Variants in PPARGC1A observed in about 807,000 individuals in gnomAD.
The protein encoded by PPARGC1A is PPARG coactivator 1 alpha.
A neutral mutation model predicts 88.7 loss-of-function variants in PPARGC1A; 25 were observed. That is an observed-to-expected ratio of 0.28 (90% CI 0.21 to 0.39). The LOEUF (loss-of-function observed/expected upper bound fraction) is 0.39, where lower values mean the gene tolerates loss of function less well. Ranked by LOEUF, PPARGC1A falls within the 10% of genes least tolerant of loss-of-function variation. The pLI, the probability that PPARGC1A is intolerant of heterozygous loss-of-function variation, is 1.00. For synonymous variants in PPARGC1A, 363 were observed against 355.6 expected (o/e 1.02, Z -0.24); for missense variants, 880 against 968.7 (o/e 0.91, Z 1.22).
At chr4:24,089,500 C>CTTTTTTTTT in the PPARGC1A span, among the ~76,000 whole-genome samples, 3 of 94,254 alleles carry the variant, frequency 3.2e-5, 1 homozygote, top group Non-Finnish European at 4.4e-5. Flanking sequence ...CTTTTCTTTT[C>CTTTTTTTTT]TTTTCTTTTC....
the PPARGC1A span, among the ~76,000 whole-genome samples, chr4:24,179,717 A>G: frequency 4.6e-5 from 7 of 152,198 alleles, no homozygotes; most frequent in African/African-American, 9.6e-5. Context: ...AGTGGTTGCT[A>G]TTTTAACCAC....
chr4:24,279,521 T>C, the PPARGC1A span, among the ~76,000 whole-genome samples: 1 of 152,110 alleles, frequency 6.6e-6, no homozygotes, highest in Non-Finnish European at 1.5e-5. Flanking sequence ...AGGCAAGCAT[T>C]TGTTATCGTT....
chr4:24,339,221 T>TACACAC, the PPARGC1A span, among the ~76,000 whole-genome samples: 68 of 55,258 alleles, frequency 1.2e-3, no homozygotes, highest in Non-Finnish European at 2.1e-3. Flanking sequence ...TGTATATATA[T>TACACAC]ATATATATAT....
At chr4:24,413,072 A>G in the PPARGC1A span, among the ~76,000 whole-genome samples, 4 of 152,136 alleles carry the variant, frequency 2.6e-5, no homozygotes, top group Non-Finnish European at 4.4e-5. Context: ...CCTCCTCCCC[A>G]TAGAATTCTC....
At chr4:24,031,924 G>T in the PPARGC1A span, among the ~76,000 whole-genome samples, 1 of 152,292 alleles carries the variant, frequency 6.6e-6, no homozygotes, top group South Asian at 2.1e-4. Context: ...GGAAGCTGAA[G>T]CCCAGAGAGG....
the PPARGC1A span, among the ~76,000 whole-genome samples, chr4:24,259,938 T>C: frequency 6.6e-6 from 1 of 152,210 alleles, no homozygotes; most frequent in Admixed American, 6.5e-5. Flanking sequence ...TTTTCTGTTA[T>C]CTTGAGTACC....
At chr4:24,340,474 G>A in the PPARGC1A span, among the ~76,000 whole-genome samples, 4 of 152,072 alleles carry the variant, frequency 2.6e-5, no homozygotes, top group African/African-American at 9.7e-5. Context: ...GAACTGTATA[G>A]TACTCTATTT....
intron 10 of PPARGC1A, among the ~76,000 whole-genome samples, chr4:23,812,458 GA>G (rs1351811427): frequency 6.6e-6 from 1 of 150,752 alleles, no homozygotes; most frequent in African/African-American, 2.4e-5. Flanking sequence ...ATATCTGACT[GA>G]AAAAAAAATC....
At chr4:23,933,273 A>G in the PPARGC1A span, among the ~76,000 whole-genome samples, 2 of 152,206 alleles carry the variant, frequency 1.3e-5, no homozygotes, top group Non-Finnish European at 2.9e-5. Flanking sequence ...AAAGCTCACC[A>G]CCTTCATTGA....
intron 2 of PPARGC1A, among the ~76,000 whole-genome samples, chr4:23,843,124 TCTGA>T (rs1031743411): frequency 1.3e-5 from 2 of 152,084 alleles, no homozygotes; most frequent in African/African-American, 4.8e-5. Context: ...TTCAACAACT[TCTGA>T]CTATCACCAT....
the PPARGC1A span, among the ~76,000 whole-genome samples, chr4:24,177,197 G>A: frequency 6.6e-6 from 1 of 152,172 alleles, no homozygotes; most frequent in African/African-American, 2.4e-5. Flanking sequence ...ATTCACAATA[G>A]TAAAGACTTG....
chr4:24,178,273 T>G, the PPARGC1A span, among the ~76,000 whole-genome samples: 1 of 152,172 alleles, frequency 6.6e-6, no homozygotes, highest in Non-Finnish European at 1.5e-5. Flanking sequence ...CATAGTACTT[T>G]TGTTAGAGGG....
chr4:24,399,721 G>A, the PPARGC1A span, among the ~76,000 whole-genome samples: 1 of 151,786 alleles, frequency 6.6e-6, no homozygotes, highest in African/African-American at 2.4e-5. Flanking sequence ...TACCAGTAGA[G>A]TGCCAATATT....
chr4:24,138,328 C>T, the PPARGC1A span, among the ~76,000 whole-genome samples: 45 of 152,178 alleles, frequency 3.0e-4, no homozygotes, highest in Non-Finnish European at 2.2e-4. Flanking sequence ...AGGTCTCTCT[C>T]AACCTCCAAT....
At chr4:24,220,977 C>A in the PPARGC1A span, among the ~76,000 whole-genome samples, 1 of 151,962 alleles carries the variant, frequency 6.6e-6, no homozygotes, top group Non-Finnish European at 1.5e-5. Flanking sequence ...CATCCCGTAA[C>A]AAGATGGTGG....
At chr4:23,801,647 C>A in intron 12 of PPARGC1A, 83 bp downstream of exon 12, 1 of 1,461,360 alleles carries the variant, frequency 6.8e-7, no homozygotes, top group Non-Finnish European at 9.5e-7. Context: ...ATGGTTCAAC[C>A]CAAGGTGCCT....
chr4:23,965,349 A>G, the PPARGC1A span, among the ~76,000 whole-genome samples: 1 of 152,178 alleles, frequency 6.6e-6, no homozygotes, highest in Non-Finnish European at 1.5e-5. Flanking sequence ...TTTCTATACC[A>G]CTAATGCTTG....
chr4:24,099,341 A>T, the PPARGC1A span, among the ~76,000 whole-genome samples: 1 of 150,110 alleles, frequency 6.7e-6, no homozygotes, highest in Non-Finnish European at 1.5e-5. Context: ...CCCACCTGCC[A>T]TATCTTTTGA....
chr4:24,253,105 G>A, the PPARGC1A span, among the ~76,000 whole-genome samples: 2 of 152,106 alleles, frequency 1.3e-5, no homozygotes, highest in Non-Finnish European at 2.9e-5. Context: ...TGCAAAAGAA[G>A]GTGTGAGAGC....
Sources: allele counts gnomAD v4.1 joint callset (sites outside exome capture counted in the v4.1 genomes callset), GRCh38; gene constraint gnomAD v4.1.1; transcripts MANE v1.5; gene names NCBI Gene and HGNC (gene_info 2026-07-23, HGNC 2026-07-21).